The following PCDHA1 variants were observed in gnomAD, a reference collection of about 807,000 sequenced individuals.
PCDHA1 encodes the protein protocadherin alpha 1.
A neutral mutation model predicts 61.3 loss-of-function variants in PCDHA1; 42 were observed. The ratio of observed to expected loss-of-function variants is 0.69; its 90% CI spans 0.54 to 0.89. PCDHA1 has a LOEUF of 0.89. PCDHA1 is among the 40% of genes least tolerant of loss of function. PCDHA1 has a pLI of 0.00. For missense variants in PCDHA1, 1,256 were observed against 1,235.3 expected (o/e 1.02, Z -0.25); for synonymous variants, 610 against 553.8 (o/e 1.10, Z -1.43).
At chr5:140,803,009 C>A (rs1411845849) in intron 1 of PCDHA1, 4 of 1,614,016 alleles carry the variant, frequency 2.5e-6, no homozygotes, top group African/African-American at 1.3e-5. Flanking sequence ...CAGGCTACAA[C>A]GCGTGGCTTT....
intron 1 of PCDHA1, chr5:140,835,926 G>C: frequency 1.2e-6 from 2 of 1,612,440 alleles, no homozygotes; most frequent in South Asian, 1.1e-5. Flanking sequence ...CGCGGAGAGC[G>C]GCAAGGTGTA....
intron 1 of PCDHA1, chr5:140,871,513 C>T (rs1554165693): frequency 6.4e-7 from 1 of 1,574,300 alleles, no homozygotes; most frequent in South Asian, 1.2e-5. Context: ...TCTACAGATT[C>T]CACCTATCAG....
At chr5:140,869,400 C>G (rs782134920) in intron 1 of PCDHA1, 3 of 1,614,144 alleles carry the variant, frequency 1.9e-6, no homozygotes, top group Middle Eastern at 3.3e-4. Context: ...GCGGGCAGAG[C>G]GCGGAGTGCA....
chr5:140,892,658 A>G (rs1202553509), intron 1 of PCDHA1, among the ~76,000 whole-genome samples: 4 of 152,202 alleles, frequency 2.6e-5, no homozygotes, highest in African/African-American at 9.7e-5. Context: ...ATACAGAGTG[A>G]CATTTTGATA....
intron 1 of PCDHA1, among the ~76,000 whole-genome samples, chr5:140,918,002 A>G (rs2153546564): frequency 1.3e-5 from 2 of 152,244 alleles, no homozygotes; most frequent in South Asian, 4.2e-4. Context: ...TATCTTAACA[A>G]TGTTGTTTCT....
chr5:140,836,463 G>A (rs2150261592), intron 1 of PCDHA1: 2 of 1,613,838 alleles, frequency 1.2e-6, no homozygotes, highest in Middle Eastern at 1.6e-4. Context: ...GACCGAGCTG[G>A]TGGATGTCAA....
intron 1 of PCDHA1, chr5:140,967,982 G>T (rs1563372383): frequency 1.9e-6 from 3 of 1,614,224 alleles, no homozygotes; most frequent in Non-Finnish European, 2.5e-6. Context: ...GGGTCTGGAG[G>T]CCACACTGCC....
At chr5:140,886,254 CTATT>C (rs1407308299) in intron 1 of PCDHA1, among the ~76,000 whole-genome samples, 1 of 151,720 alleles carries the variant, frequency 6.6e-6, no homozygotes, top group African/African-American at 2.4e-5. Context: ...AAAAGTATCT[CTATT>C]TATAGATAAA....
rs1241136189 is a variant in PCDHA1 at position 140,787,865 on chromosome 5, C to G, written c.1575C>G (p.His525Gln). 3 of 1,612,960 alleles carry G rather than the reference C, an allele frequency of 1.9e-6. No homozygotes were observed. The highest frequency in any genetic ancestry group is 2.5e-6 in the Non-Finnish European group (3 of 1,179,854). The change falls in exon 1 of 4, where the codon CAC (histidine) becomes CAG (glutamine). Residue 525 changes from histidine (H) to glutamine (Q), a missense_variant. Transcript: ENST00000504120. ...TGTACGCACTGCAGCCCCTGGACCA[C>G]GAGGAGCTGGAGCTGCTGCAGTTCC... ...GKVYALQPLD[H>Q]EELELLQFQV...
chr5:140,847,732 A>G (rs1781156684), intron 1 of PCDHA1: 1 of 149,812 alleles, frequency 6.7e-6, no homozygotes, highest in Admixed American at 6.7e-5. Flanking sequence ...AGAGAAAAAT[A>G]TATTTTCTCC....
At chr5:140,830,316 C>G (rs2150184866) in intron 1 of PCDHA1, 1 of 1,613,980 alleles carries the variant, frequency 6.2e-7, no homozygotes, top group East Asian at 2.2e-5. Context: ...CTGGTGTGCT[C>G]CAGCGCAGTG....
rs782052342 is a variant in PCDHA1, at chr5:140,927,029, C to T, written c.2395-51920C>T. On this transcript the variant is annotated intron_variant, in intron 1 of 3. Transcript: ENST00000504120. ...AATCTCTCCGCGGACTTGAGGCTGC[C>T]AGCGGCCGCTATGTCCTCGCGGAAC... 1.9e-6 allele frequency: 3 copies of T among 1,612,358 alleles called. No homozygotes were observed. In the South Asian group the frequency reaches 3.3e-5, roughly 18 times the overall value.
In PCDHA1 at chr5:140,858,081, C is replaced by G. The variant is rs782778779; in HGVS notation, c.2394+69397C>G. 1.0e-5 allele frequency: 16 copies of G among 1,597,646 alleles called. No individual in the cohort carries two copies. Among genetic ancestry groups the G allele is most frequent in the Admixed American group, 1.7e-5 (1 of 59,270 alleles). On this transcript the variant is annotated intron_variant, in intron 1 of 3. Transcript: ENST00000504120. The stretch of plus-strand genomic sequence containing the variant: ...GAGGGCAGCCAGGCACCCAAGGCCT[C>G]GTCGCGGGCTTCAGTGGGCGTGGCG...
intron 1 of PCDHA1, chr5:140,803,906 C>A (rs538435435): frequency 3.9e-6 from 2 of 512,534 alleles, no homozygotes; most frequent in South Asian, 4.9e-5. Context: ...TTTAGAGAAT[C>A]TGACTTCGAC....
chr5:140,947,570 TG>T (rs2094146227), intron 1 of PCDHA1, among the ~76,000 whole-genome samples: 1 of 151,820 alleles, frequency 6.6e-6, no homozygotes, highest in African/African-American at 2.4e-5. Flanking sequence ...ATATTGGGAA[TG>T]TTTTTAACAT....
At chr5:140,848,580 G>C (rs2150413370) in intron 1 of PCDHA1, 5 of 1,595,144 alleles carry the variant, frequency 3.1e-6, no homozygotes, top group African/African-American at 1.3e-5. Context: ...GGTGGGGAGC[G>C]GCCAGCTCCA....
At chr5:140,842,042 A>G (rs2150327853) in intron 1 of PCDHA1, 8 of 1,613,906 alleles carry the variant, frequency 5.0e-6, no homozygotes, top group East Asian at 2.2e-5. Flanking sequence ...TAATGCTCCC[A>G]CTTTCGAACA....
intron 1 of PCDHA1, chr5:140,871,073 C>T (rs782763189): frequency 1.1e-5 from 18 of 1,613,090 alleles, no homozygotes; most frequent in Non-Finnish European, 1.4e-5. Context: ...GGTGAGCCGG[C>T]GCTGACGGCC....
chr5:140,976,689 T>TTTGCA (rs1280133734), intron 1 of PCDHA1, among the ~76,000 whole-genome samples: 2 of 152,232 alleles, frequency 1.3e-5, no homozygotes, highest in East Asian at 3.8e-4. Context: ...GCAATTTAAG[T>TTTGCA]ACAATAATGT....
Sources: gnomAD v4.1 joint callset for allele counts (sites outside exome capture counted in the v4.1 genomes callset) on GRCh38, gnomAD v4.1.1 for gene constraint, MANE v1.5 for transcripts, NCBI Gene and HGNC (gene_info 2026-07-23, HGNC 2026-07-21) for gene names.